The following STON1 variants were observed in gnomAD, a reference collection of about 807,000 sequenced individuals.
STON1 encodes stonin 1, also known as stonin-1.
STON1 carries 79 observed loss-of-function variants against 60.9 expected under a neutral mutation model. That is an observed-to-expected ratio of 1.30 (90% CI 1.08 to 1.56). The LOEUF (loss-of-function observed/expected upper bound fraction) is 1.56. Ranked by LOEUF, STON1 falls within the 40% of genes most tolerant of loss-of-function variation. The pLI is 0.00. For synonymous variants in STON1, 363 were observed against 306.9 expected (o/e 1.18, Z -1.91); for missense variants, 1,166 against 858.9 (o/e 1.36, Z -4.47).
intron 1 of STON1, among the ~76,000 whole-genome samples, chr2:48,548,954 T>G (rs1180211610): frequency 6.6e-6 from 1 of 152,142 alleles, no homozygotes; most frequent in African/African-American, 2.4e-5. Flanking sequence ...TTTGTGCACA[T>G]GAAGAAAAAT....
intron 1 of STON1, among the ~76,000 whole-genome samples, chr2:48,553,791 G>T (rs1365710539): frequency 1.3e-5 from 2 of 152,040 alleles, no homozygotes; most frequent in Non-Finnish European, 2.9e-5. Flanking sequence ...ACTGGCCTTA[G>T]ACCCCTTCTT....
At chr2:48,536,751 A>G (rs1011055656) in intron 1 of STON1, among the ~76,000 whole-genome samples, 6 of 152,200 alleles carry the variant, frequency 3.9e-5, no homozygotes, top group African/African-American at 1.4e-4. Flanking sequence ...GCATTCAATT[A>G]ATACTGACAT....
chr2:48,576,178 T>C (rs1226620589), intron 1 of STON1, among the ~76,000 whole-genome samples: 1 of 138,260 alleles, frequency 7.2e-6, no homozygotes, highest in African/African-American at 2.6e-5. Flanking sequence ...ATTTGTTGTT[T>C]TCCTTTCTTT....
In STON1 at chr2:48,553,611, C is replaced by T. The variant is rs181276371; in HGVS notation, c.-48+23395C>T. On this transcript the variant is annotated intron_variant, in intron 1 of 3. Coordinates refer to ENST00000404752, the MANE Select transcript of STON1 (RefSeq NM_006873.4). ...CAAGCGATTCTCCTGCCTCAGCCTCCCAAGTAGCTGGGATTACAGGCACAT... is the reference window on the plus strand; with the variant it reads ...CAAGCGATTCTCCTGCCTCAGCCTCTCAAGTAGCTGGGATTACAGGCACAT... Among the ~76,000 whole-genome samples, 1,010 of 152,182 alleles carry T rather than the reference C, an allele frequency of 6.6e-3. 2 individuals carry two copies. Among genetic ancestry groups the T allele is most frequent in the Non-Finnish European group, 0.012 (786 of 68,000 alleles).
chr2:48,540,416 A>G (rs909661240), intron 1 of STON1, among the ~76,000 whole-genome samples: 1 of 152,122 alleles, frequency 6.6e-6, no homozygotes, highest in Non-Finnish European at 1.5e-5. Flanking sequence ...GATGCACCCA[A>G]TGCCCTGGAG....
intron 2 of STON1, among the ~76,000 whole-genome samples, chr2:48,585,804 T>A (rs927225706): frequency 3.3e-5 from 5 of 152,252 alleles, no homozygotes; most frequent in Non-Finnish European, 5.9e-5. Context: ...ATCTGCAGGT[T>A]TCCCCTGAAA....
At chr2:48,562,868 C>G (rs1225906945) in intron 1 of STON1, among the ~76,000 whole-genome samples, 1 of 152,198 alleles carries the variant, frequency 6.6e-6, no homozygotes, top group Non-Finnish European at 1.5e-5. Flanking sequence ...GGGAAAGCCC[C>G]CATTAAGGGA....
intron 1 of STON1, among the ~76,000 whole-genome samples, chr2:48,534,039 G>A (rs1227796730): frequency 6.6e-6 from 1 of 152,110 alleles, no homozygotes; most frequent in Non-Finnish European, 1.5e-5. Flanking sequence ...AAAGTGTCAG[G>A]ATTATAGGTG....
intron 1 of STON1, among the ~76,000 whole-genome samples, chr2:48,539,431 A>G (rs1671567161): frequency 6.6e-6 from 1 of 152,124 alleles, no homozygotes; most frequent in South Asian, 2.1e-4. Context: ...ATTTAAATCT[A>G]TAAATTTACC....
intron 1 of STON1, among the ~76,000 whole-genome samples, chr2:48,538,067 C>A (rs1262120423): frequency 6.6e-6 from 1 of 151,748 alleles, no homozygotes; most frequent in African/African-American, 2.4e-5. Flanking sequence ...AATTCTCCTG[C>A]CTCAGCCTCC....
At chr2:48,530,994 A>G (rs181664088) in intron 1 of STON1, 23 of 152,362 alleles carry the variant, frequency 1.5e-4, no homozygotes, top group African/African-American at 5.3e-4. Context: ...TCTTCGAATA[A>G]TAATGATACT....
chr2:48,582,578 C>G lies in STON1; in HGVS notation c.1930+15C>G. The G allele has an allele frequency of 6.3e-7, 1 of 1,597,766 alleles. No individual in the cohort carries two copies. The highest frequency in any genetic ancestry group is 8.5e-7 in the Non-Finnish European group (1 of 1,172,610). On this transcript the variant is annotated intron_variant, in intron 2 of 3. Coordinates refer to ENST00000404752, the MANE Select transcript of STON1 (RefSeq NM_006873.4). ...CAAAAATTCAAGTAAATATTCAACACCCCAAGTTTATTTTCATGGGAAATA... is the reference window on the plus strand; with the variant it reads ...CAAAAATTCAAGTAAATATTCAACAGCCCAAGTTTATTTTCATGGGAAATA...
At chr2:48,587,432 A>T (rs1256056237) in intron 2 of STON1, among the ~76,000 whole-genome samples, 4 of 152,162 alleles carry the variant, frequency 2.6e-5, no homozygotes, top group Non-Finnish European at 5.9e-5. Context: ...AGCTGGGACT[A>T]CAGGTGCGCA....
chr2:48,557,869 C>T lies in STON1; in HGVS notation c.-47-22718C>T, dbSNP rs546166666. ...CTGAAGTTTGCTTTTGAGACTAAGA[C>T]ATTACTAAAGTTAATGCCAATCTTT... On this transcript the variant is annotated intron_variant, in intron 1 of 3. Coordinates refer to ENST00000404752, the MANE Select transcript of STON1 (RefSeq NM_006873.4). Among the ~76,000 whole-genome samples, 7 of 152,332 alleles carry T rather than the reference C, an allele frequency of 4.6e-5. No homozygotes were observed. The South Asian group carries it at 8.3e-4, about 18-fold the overall frequency.
intron 1 of STON1, among the ~76,000 whole-genome samples, chr2:48,559,578 C>T (rs1029227613): frequency 1.3e-5 from 2 of 152,142 alleles, no homozygotes; most frequent in Non-Finnish European, 2.9e-5. Flanking sequence ...ACATAAACAT[C>T]CAGAGCATAA....
intron 1 of STON1, among the ~76,000 whole-genome samples, chr2:48,575,753 T>TG (rs1572967416): frequency 8.4e-6 from 1 of 118,730 alleles, no homozygotes; most frequent in Non-Finnish European, 1.8e-5. Context: ...TTTTTAGTTT[T>TG]TGTTTGTTTT....
At chr2:48,561,440 T>C (rs1672607250) in intron 1 of STON1, among the ~76,000 whole-genome samples, 1 of 152,234 alleles carries the variant, frequency 6.6e-6, no homozygotes, top group Non-Finnish European at 1.5e-5. Flanking sequence ...GGTTCAACTC[T>C]GATAGCATCA....
At position 48,595,285 on chromosome 2, in the gene STON1, G is replaced by T. The variant is rs116147474; in HGVS notation, c.2191G>T (p.Asp731Tyr). Residue 731 changes from aspartate (D) to tyrosine (Y), a missense_variant, in exon 4 of 4, where the codon GAC becomes TAC. Asp to Tyr is a radical substitution (Grantham distance 160). Transcript: ENST00000404752. ...TGGAGAAGACCCAGATAAAATTGGT[G>T]ACTGCATAACTCAGTAGGAGTAGCA... ...IDGEDPDKIGDCITQ is the reference protein window; with the variant it reads ...IDGEDPDKIGYCITQ 1 of 1,613,776 alleles carries T rather than the reference G, an allele frequency of 6.2e-7. No homozygotes were observed. Among genetic ancestry groups the T allele is most frequent in the South Asian group, 1.1e-5 (1 of 91,044 alleles).
chr2:48,581,292 G>T lies in STON1; in HGVS notation c.659G>T (p.Ser220Ile), dbSNP rs1189190967. Residue 220 changes from serine (S) to isoleucine (I), a missense_variant, in exon 2 of 4, where the codon AGC becomes ATC. By Grantham distance (142) the Ser-to-Ile change is moderately radical. Coordinates refer to ENST00000404752, the MANE Select transcript of STON1 (RefSeq NM_006873.4). Reference sequence around the variant, plus strand: ...AAGGAGATGCCTATTGACCAAAAAAGCCTAAATAAGTGTTCACTCAACTAT... The same window carrying T: ...AAGGAGATGCCTATTGACCAAAAAATCCTAAATAAGTGTTCACTCAACTAT... ...RNKEMPIDQK[S>I]LNKCSLNYIC... The T allele has an allele frequency of 9.2e-6, 14 of 1,521,354 alleles. No homozygotes were observed. The highest frequency in any genetic ancestry group is 1.2e-5 in the Non-Finnish European group (14 of 1,138,518). 94.2% of individuals were successfully genotyped at this position (1,521,354 alleles called of 1,614,324 possible). A position where few individuals can be genotyped will look rare whatever the true frequency, so the allele number is the denominator to read the frequency against.
Sources: allele counts gnomAD v4.1 joint callset (sites outside exome capture counted in the v4.1 genomes callset), GRCh38; gene constraint gnomAD v4.1.1; transcripts MANE v1.5; gene names NCBI Gene and HGNC (gene_info 2026-07-23, HGNC 2026-07-21).